The following B3GALT1 variants were observed in gnomAD, a reference collection of about 807,000 sequenced individuals.
B3GALT1 encodes beta-1,3-galactosyltransferase 1.
Under a neutral mutation model 23.2 loss-of-function variants are expected in B3GALT1, and 10 were observed. The observed-to-expected ratio is 0.43, with a 90% CI of 0.27 to 0.73. The LOEUF is 0.73. B3GALT1 is among the 30% of genes least tolerant of loss of function. The pLI is 0.21. For missense variants in B3GALT1, 299 were observed against 405.4 expected (o/e 0.74, Z 2.25); for synonymous variants, 156 against 141.5 (o/e 1.10, Z -0.73).
intron 2 of B3GALT1, among the ~76,000 whole-genome samples, chr2:167,572,652 T>C (rs1291847638): frequency 6.6e-6 from 1 of 151,846 alleles, no homozygotes; most frequent in Non-Finnish European, 1.5e-5. Context: ...GGTCACTACC[T>C]CCACTTTGCA....
chr2:167,815,278 TAGAG>T (rs372861954), intron 3 of B3GALT1: 1 of 152,204 alleles, frequency 6.6e-6, no homozygotes, highest in South Asian at 2.1e-4. Flanking sequence ...CATTGAAAAA[TAGAG>T]AGCGAAAGTC....
chr2:167,648,216 ATC>A (rs1301615220), intron 3 of B3GALT1, among the ~76,000 whole-genome samples: 4 of 152,156 alleles, frequency 2.6e-5, no homozygotes. Context: ...CATTAAATTT[ATC>A]TTCTAAAATT....
chr2:167,691,751 A>C (rs1435860941), intron 3 of B3GALT1, among the ~76,000 whole-genome samples: 1 of 152,186 alleles, frequency 6.6e-6, no homozygotes, highest in Non-Finnish European at 1.5e-5. Context: ...TGTGTTAAAC[A>C]TAAATAATTA....
chr2:167,293,365 C>T (rs534260045), intron 1 of B3GALT1, 31 bp downstream of exon 1: 1 of 152,362 alleles, frequency 6.6e-6, no homozygotes, highest in African/African-American at 2.4e-5. Flanking sequence ...GCCCGCGACG[C>T]CCCCGGGACG....
intron 4 of B3GALT1, among the ~76,000 whole-genome samples, chr2:167,863,990 ATGTGTGTGTGTGTG>A (rs34276280): frequency 2.9e-4 from 42 of 143,726 alleles, no homozygotes; most frequent in Middle Eastern, 3.4e-3. Context: ...GCATGTATGT[ATGTGTGTGTGTGTG>A]TGTGTGTGTG....
At chr2:167,654,801 C>CT (rs5836154) in intron 3 of B3GALT1, among the ~76,000 whole-genome samples, 113 of 145,222 alleles carry the variant, frequency 7.8e-4, no homozygotes, top group African/African-American at 2.1e-3. Context: ...CAGCCTCTTT[C>CT]TTTTTTTTTT....
At chr2:167,836,257 G>A (rs1172928964) in intron 4 of B3GALT1, among the ~76,000 whole-genome samples, 2 of 152,078 alleles carry the variant, frequency 1.3e-5, no homozygotes, top group Non-Finnish European at 2.9e-5. Flanking sequence ...CAAACCAAAG[G>A]CAAAGAAGTT....
intron 2 of B3GALT1, among the ~76,000 whole-genome samples, chr2:167,545,042 T>TTTG (rs1220749619): frequency 6.9e-5 from 9 of 130,014 alleles, no homozygotes; most frequent in Admixed American, 3.9e-4. Context: ...TTTTTTTTTT[T>TTTG]TTTTTTTTTT....
At position 167,806,854 on chromosome 2, in the gene B3GALT1, C is replaced by G. The variant is rs185072801; in HGVS notation, c.-351-11818C>G. Among the ~76,000 whole-genome samples the G allele has an allele frequency of 1.4e-4, 21 of 152,298 alleles. No individual in the cohort carries two copies. The East Asian group carries it at 4.1e-3, about 29-fold the overall frequency. On this transcript the variant is annotated intron_variant, in intron 3 of 4. Coordinates refer to ENST00000392690, the MANE Select transcript of B3GALT1 (RefSeq NM_020981.4). Reference sequence around the variant, plus strand: ...TAAAATGAGTTAAGGAGGATTCCCTCTTTTTCTATTGATTAGAATAGTTTC... The same window carrying G: ...TAAAATGAGTTAAGGAGGATTCCCTGTTTTTCTATTGATTAGAATAGTTTC...
At chr2:167,381,071 A>G (rs1048030723) in intron 1 of B3GALT1, among the ~76,000 whole-genome samples, 12 of 151,864 alleles carry the variant, frequency 7.9e-5, no homozygotes, top group Admixed American at 7.9e-4. Flanking sequence ...GGTTTTTTTT[A>G]TTTGTTTATT....
intron 3 of B3GALT1, among the ~76,000 whole-genome samples, chr2:167,806,707 A>T (rs1688763246): frequency 6.6e-6 from 1 of 151,566 alleles, no homozygotes; most frequent in Non-Finnish European, 1.5e-5. Context: ...GTGCTGCTGG[A>T]TTTGGTTGCC....
intron 1 of B3GALT1, among the ~76,000 whole-genome samples, chr2:167,421,194 GT>G (rs1559091424): frequency 1.3e-5 from 2 of 152,190 alleles, no homozygotes; most frequent in Non-Finnish European, 2.9e-5. Context: ...TATTTCTAAT[GT>G]AAATTAATTA....
intron 1 of B3GALT1, among the ~76,000 whole-genome samples, chr2:167,453,234 C>T (rs78091859): frequency 0.02 from 3,015 of 152,234 alleles, 93 homozygotes; most frequent in African/African-American, 0.068. Flanking sequence ...GCGAGGCTAG[C>T]GTGCAGGTAT....
intron 2 of B3GALT1, among the ~76,000 whole-genome samples, chr2:167,596,420 C>T (rs1033242863): frequency 6.6e-6 from 1 of 152,174 alleles, no homozygotes; most frequent in African/African-American, 2.4e-5. Flanking sequence ...AAACACAATT[C>T]TACCATTTAT....
At chr2:167,321,064 A>G (rs1456832731) in intron 1 of B3GALT1, among the ~76,000 whole-genome samples, 1 of 152,060 alleles carries the variant, frequency 6.6e-6, no homozygotes, top group Non-Finnish European at 1.5e-5. Flanking sequence ...AGAAATGGGA[A>G]GAAAATCTAA....
rs1284680439 is a variant in B3GALT1 at position 167,297,967 on chromosome 2, A to C, written c.-511+4633A>C. Among the ~76,000 whole-genome samples the C allele has an allele frequency of 1.3e-5, 2 of 152,156 alleles. 1 individual carries two copies. Among genetic ancestry groups the C allele is most frequent in the African/African-American group, 4.8e-5 (2 of 41,470 alleles). On this transcript the variant is annotated intron_variant, in intron 1 of 4. Transcript: ENST00000392690. ...AAAGACTTTCTGATATTGTCAACTC[A>C]GTATTTTATTTCTCCAGATTCAAGA...
At position 167,800,449 on chromosome 2, in the gene B3GALT1, A is replaced by C. The variant is rs1235427829; in HGVS notation, c.-351-18223A>C. On this transcript the variant is annotated intron_variant, in intron 3 of 4. Coordinates refer to ENST00000392690, the MANE Select transcript of B3GALT1 (RefSeq NM_020981.4). ...CACCCATTATCATTCTACCCTGTTC[A>C]CAACCTTCCCCTGAAACTTTCTTCC... 2.0e-5 allele frequency among the ~76,000 whole-genome samples: 3 copies of C among 152,190 alleles called. No homozygotes were observed. In the East Asian group the frequency reaches 5.8e-4, roughly 29 times the overall value.
At position 167,555,830 on chromosome 2, in the gene B3GALT1, G is replaced by C. The variant is rs79615483; in HGVS notation, c.-410+65553G>C. On this transcript the variant is annotated intron_variant, in intron 2 of 4. Coordinates refer to ENST00000392690, the MANE Select transcript of B3GALT1 (RefSeq NM_020981.4). ...GGGGAATGCACTAAGGATGAAAGGA[G>C]AATGGAATCCTTCAAAAAGTGTATT... 6.6e-4 allele frequency among the ~76,000 whole-genome samples: 101 copies of C among 152,156 alleles called. 1 individual carries two copies. Among genetic ancestry groups the C allele is most frequent in the Admixed American group, 2.0e-4 (3 of 15,278 alleles).
At chr2:167,389,546 T>C (rs1697983804) in intron 1 of B3GALT1, among the ~76,000 whole-genome samples, 2 of 152,058 alleles carry the variant, frequency 1.3e-5, no homozygotes, top group Non-Finnish European at 2.9e-5. Flanking sequence ...CAAGGCACAA[T>C]AGAGGGCAGC....
Sources: gnomAD v4.1 joint callset for allele counts (sites outside exome capture counted in the v4.1 genomes callset) on GRCh38, gnomAD v4.1.1 for gene constraint, MANE v1.5 for transcripts, NCBI Gene and HGNC (gene_info 2026-07-23, HGNC 2026-07-21) for gene names.